Variants in PTPRN2 observed in about 807,000 individuals in gnomAD.
PTPRN2 encodes the protein receptor-type tyrosine-protein phosphatase N2.
Under a neutral mutation model 118.8 loss-of-function variants are expected in PTPRN2, and 74 were observed. The ratio of observed to expected loss-of-function variants is 0.62; its 90% CI spans 0.52 to 0.76. PTPRN2 has a LOEUF of 0.76. Among genes scored for constraint, PTPRN2 ranks in the 30% least tolerant of loss-of-function variants. The pLI is 0.00. For missense variants in PTPRN2, 1,481 were observed against 1,394.4 expected, an observed-to-expected ratio of 1.06 and a Z score of -0.99; for synonymous variants, 641 against 608.0, an observed-to-expected ratio of 1.05 and a Z score of -0.80.
At chr7:158,206,512 G>C (rs1049723142) in intron 3 of PTPRN2, among the ~76,000 whole-genome samples, 4 of 152,134 alleles carry the variant, frequency 2.6e-5, no homozygotes, top group Non-Finnish European at 5.9e-5. Flanking sequence ...CTAGTGGTGG[G>C]GTGGCCACAG....
At chr7:158,204,928 A>G (rs996455962) in intron 4 of PTPRN2, among the ~76,000 whole-genome samples, 2 of 152,162 alleles carry the variant, frequency 1.3e-5, no homozygotes, top group African/African-American at 2.4e-5. Context: ...GGATTTTTCT[A>G]AGAGTCTCAT....
At chr7:158,217,570 T>C (rs1198130680) in intron 3 of PTPRN2, among the ~76,000 whole-genome samples, 1 of 152,140 alleles carries the variant, frequency 6.6e-6, no homozygotes, top group African/African-American at 2.4e-5. Context: ...TACCTACAAA[T>C]GAACACACTA....
intron 12 of PTPRN2, among the ~76,000 whole-genome samples, chr7:157,816,041 C>T (rs1166070130): frequency 6.6e-6 from 1 of 152,226 alleles, no homozygotes; most frequent in African/African-American, 2.4e-5. Context: ...AGATCACGCC[C>T]TCTCGCTGGT....
intron 3 of PTPRN2, among the ~76,000 whole-genome samples, chr7:158,245,542 C>G (rs955351467): frequency 6.6e-6 from 1 of 152,182 alleles, no homozygotes; most frequent in Non-Finnish European, 1.5e-5. Context: ...GAGCCGACCT[C>G]TTGACGTAGA....
rs115317782 is a variant in PTPRN2, at chr7:158,424,982, G to C, written c.163+64753C>G. Among the ~76,000 whole-genome samples, 694 of 152,324 alleles carry C rather than the reference G, an allele frequency of 4.6e-3. 5 individuals carry two copies. The highest frequency in any genetic ancestry group is 0.016 in the African/African-American group (655 of 41,584). ...ACCAGGTCTGGGGCCCGGGTGTTTC[G>C]GAGAAGGCATTCTGTAGTTATAACT... On this transcript the variant is annotated intron_variant, in intron 2 of 22. Transcript: ENST00000389418.
rs1156768333 is a variant in PTPRN2, at chr7:157,987,406, C to T, written c.1724-88669G>A. Reference sequence around the variant, plus strand: ...CTAACGGGGGCAATATGACCCCTCACTAATGGGGTGATCGGTCACTAAACG... The same window carrying T: ...CTAACGGGGGCAATATGACCCCTCATTAATGGGGTGATCGGTCACTAAACG... On this transcript the variant is annotated intron_variant, in intron 11 of 22. Transcript: ENST00000389418. The surrounding 1 kb of genome is among the most constrained non-coding windows in gnomAD (Gnocchi z 4.3). 6.6e-6 allele frequency among the ~76,000 whole-genome samples: 1 copy of T among 151,846 alleles called. No homozygotes were observed. The highest frequency in any genetic ancestry group is 1.5e-5 in the Non-Finnish European group (1 of 67,974).
chr7:158,353,673 A>C (rs908377009), intron 2 of PTPRN2, among the ~76,000 whole-genome samples: 2 of 152,302 alleles, frequency 1.3e-5, no homozygotes, highest in African/African-American at 4.8e-5. Context: ...CCAGGAACAG[A>C]AAAACCCCGA....
chr7:157,628,693 G>A (rs751078778), intron 14 of PTPRN2, among the ~76,000 whole-genome samples: 26 of 152,296 alleles, frequency 1.7e-4, no homozygotes, highest in Non-Finnish European at 2.5e-4. Flanking sequence ...GGGGTGATGC[G>A]TGAATATGGG....
At chr7:157,699,590 ATT>A (rs376675888) in intron 12 of PTPRN2, among the ~76,000 whole-genome samples, 1 of 151,598 alleles carries the variant, frequency 6.6e-6, no homozygotes, top group African/African-American at 2.4e-5. Flanking sequence ...GGCCCAGTGA[ATT>A]TTTTTTTGTA....
intron 12 of PTPRN2, among the ~76,000 whole-genome samples, chr7:157,754,988 C>G (rs974813375): frequency 3.9e-5 from 6 of 152,144 alleles, no homozygotes; most frequent in African/African-American, 1.4e-4. Flanking sequence ...TGGGCTCAAG[C>G]CATCCTCCCA....
At chr7:158,163,536 T>C (rs144209330) in intron 6 of PTPRN2, among the ~76,000 whole-genome samples, 12 of 148,502 alleles carry the variant, frequency 8.1e-5, no homozygotes, top group African/African-American at 2.7e-4. Flanking sequence ...GTGATCAATA[T>C]TCTCTGTGTA....
intron 11 of PTPRN2, among the ~76,000 whole-genome samples, chr7:158,048,800 C>CA (rs1809085633): frequency 6.6e-6 from 1 of 151,686 alleles, no homozygotes; most frequent in African/African-American, 2.4e-5. Flanking sequence ...CCACTACCAT[C>CA]ACCACCATCA....
Position 158,498,026 on chromosome 7 carries a change from C to T in PTPRN2, c.113-8241G>A, listed in dbSNP as rs1019777868. Among the ~76,000 whole-genome samples the T allele has an allele frequency of 7.2e-5, 11 of 152,272 alleles. No individual in the cohort carries two copies. The South Asian group carries it at 8.3e-4, about 11-fold the overall frequency. ...CCCTCCAATTCACCTCCACCCCATA[C>T]GCCTGGTCAGTCCGCTCCATCACAA... On this transcript the variant is annotated intron_variant, in intron 1 of 22. Transcript: ENST00000389418.
intron 2 of PTPRN2, among the ~76,000 whole-genome samples, chr7:158,474,569 A>G (rs1670346): frequency 0.7 from 105,390 of 151,484 alleles, 36,987 homozygotes; most frequent in Admixed American, 0.78. Flanking sequence ...GTGCCCGCCC[A>G]AACTACGGGC....
At chr7:157,544,987 T>G in intron 22 of PTPRN2, among the ~76,000 whole-genome samples, 1 of 143,340 alleles carries the variant, frequency 7.0e-6, no homozygotes, top group African/African-American at 2.7e-5. Context: ...TGTGCAGGTG[T>G]GTGGGTGTGC....
At position 158,409,708 on chromosome 7, in the gene PTPRN2, AAGGGGCCAGGT is replaced by A. The variant is rs965159214; in HGVS notation, c.163+80016_163+80026del. Among the ~76,000 whole-genome samples the A allele has an allele frequency of 3.0e-4, 45 of 152,264 alleles. 1 individual carries two copies. The South Asian group carries it at 4.6e-3, about 15-fold the overall frequency. On this transcript the variant is annotated intron_variant, in intron 2 of 22. Transcript: ENST00000389418. ...TGGCTTTCAACCTCACCTGCCAGGG[AAGGGGCCAGGT>A]AGGGATCGCGCAGGCCCCCTCAGAC...
rs35315549 is a variant in PTPRN2, at chr7:158,499,843, ATGTG to A, written c.113-10062_113-10059del. On this transcript the variant is annotated intron_variant, in intron 1 of 22. Transcript: ENST00000389418. ...TATACACACACCCTCCAGTGTGTGT[ATGTG>A]TGTGTGTGTGTGTATAATTTTAAAT... is the stretch of plus-strand genomic sequence containing the variant. 8.8e-5 allele frequency among the ~76,000 whole-genome samples: 13 copies of A among 147,588 alleles called. 1 individual carries two copies. Among genetic ancestry groups the A allele is most frequent in the East Asian group, 5.9e-4 (3 of 5,046 alleles).
At chr7:158,063,128 C>T (rs925451176) in intron 11 of PTPRN2, among the ~76,000 whole-genome samples, 4 of 152,202 alleles carry the variant, frequency 2.6e-5, no homozygotes, top group African/African-American at 4.8e-5. Flanking sequence ...TTTGTAAATA[C>T]ACCAATCAGC....
At chr7:158,183,602 C>T (rs911131284) in intron 5 of PTPRN2, among the ~76,000 whole-genome samples, 1 of 152,252 alleles carries the variant, frequency 6.6e-6, no homozygotes, top group Non-Finnish European at 1.5e-5. Flanking sequence ...GGAATGCACA[C>T]AGGGCTCTTT....
Sources: gnomAD v4.1 joint callset for allele counts (sites outside exome capture counted in the v4.1 genomes callset) on GRCh38, gnomAD v4.1.1 for gene constraint, Gnocchi (gnomAD v3.1) non-coding constraint, MANE v1.5 for transcripts, NCBI Gene and HGNC (gene_info 2026-07-23, HGNC 2026-07-21) for gene names.